MTFR1: variants seen among roughly 807,000 people sequenced by gnomAD.
MTFR1 encodes the protein mitochondrial fission regulator 1.
In MTFR1, 28 loss-of-function variants were observed where a neutral mutation model predicts 38.8. The ratio of observed to expected loss-of-function variants is 0.72; its 90% CI spans 0.53 to 0.99. MTFR1 has a LOEUF of 0.99. Ranked by LOEUF, MTFR1 falls within the 50% of genes least tolerant of loss-of-function variation. The probability of loss-of-function intolerance (pLI) is 0.00; values close to 1 mark genes in which losing one functional copy is unlikely to be tolerated. For missense variants in MTFR1, 358 were observed against 395.5 expected (o/e 0.91, Z 0.81); for synonymous variants, 145 against 137.0 (o/e 1.06, Z -0.41).
chr8:65,754,265 G>A (rs1207480945), intron 3 of MTFR1, among the ~76,000 whole-genome samples: 1 of 151,840 alleles, frequency 6.6e-6, no homozygotes, highest in African/African-American at 2.4e-5. Flanking sequence ...CAAGATTGAG[G>A]GTGCGTCTGC....
chr8:65,729,364 CTTTTTTTTT>C (rs10540107), intron 3 of MTFR1, among the ~76,000 whole-genome samples: 1 of 80,080 alleles, frequency 1.2e-5, no homozygotes, highest in Admixed American at 1.5e-4. Flanking sequence ...TTGGTGGTAG[CTTTTTTTTT>C]TTTTTTTTTT....
chr8:65,697,809 C>T (rs555758678), intron 4 of MTFR1, among the ~76,000 whole-genome samples: 6 of 152,192 alleles, frequency 3.9e-5, no homozygotes, highest in African/African-American at 1.4e-4. Flanking sequence ...CTTTTTATGC[C>T]ATATGTGTAT....
chr8:65,708,128 C>A, intron 7 of MTFR1, 117 bp downstream of exon 7: 1 of 1,595,902 alleles, frequency 6.3e-7, no homozygotes, highest in African/African-American at 1.3e-5. Flanking sequence ...GGAGGTGATA[C>A]AGGATTTGGT....
At chr8:65,776,068 T>C (rs549165313), downstream of MTFR1, among the ~76,000 whole-genome samples, 1 of 152,340 alleles carries the variant, frequency 6.6e-6, no homozygotes, top group South Asian at 2.1e-4. Context: ...AAATCAATGT[T>C]ATTGATTTAG....
At chr8:65,691,330 C>T (rs904436350) in intron 3 of MTFR1, among the ~76,000 whole-genome samples, 1 of 152,092 alleles carries the variant, frequency 6.6e-6, no homozygotes, top group African/African-American at 2.4e-5. Flanking sequence ...CTCTGTTGCC[C>T]GGGCTGGAGT....
chr8:65,661,983 A>G (rs1034067055), intron 1 of MTFR1, among the ~76,000 whole-genome samples: 19 of 148,372 alleles, frequency 1.3e-4, no homozygotes, highest in Non-Finnish European at 1.6e-4. Context: ...AAACAAACAA[A>G]AAGAGCAAAA....
chr8:65,700,850 G>A (rs1218740945), intron 4 of MTFR1, among the ~76,000 whole-genome samples: 1 of 152,176 alleles, frequency 6.6e-6, no homozygotes, highest in African/African-American at 2.4e-5. Flanking sequence ...CCCTAAAACA[G>A]TTCTGCTAAA....
chr8:65,761,769 G>A (rs1381679340), intron 3 of MTFR1, among the ~76,000 whole-genome samples: 2 of 152,170 alleles, frequency 1.3e-5, no homozygotes, highest in African/African-American at 2.4e-5. Context: ...GATAGCAGAC[G>A]AATGTAAAAG....
the MTFR1 span, among the ~76,000 whole-genome samples, chr8:65,777,235 A>G: frequency 6.6e-6 from 1 of 151,848 alleles, no homozygotes; most frequent in East Asian, 1.9e-4. Context: ...ATGCACCACC[A>G]CGCCTGGCTA....
Position 65,707,268 on chromosome 8 carries a change from T to C in MTFR1, c.764+12T>C. 6.2e-7 allele frequency: 1 copy of C among 1,602,776 alleles called. No individual in the cohort carries two copies. Among genetic ancestry groups the C allele is most frequent in the Admixed American group, 1.7e-5 (1 of 58,478 alleles). On this transcript the variant is annotated intron_variant, in intron 6 of 7. Transcript: ENST00000262146. ...CGGTCAGTGAAGAGGTGAGGATACA[T>C]TCACCTTCTTTCTTCCCCATTTGTT...
In MTFR1 at chr8:65,675,947, A is replaced by C. The variant is rs1048474929; in HGVS notation, c.66+5929A>C. On this transcript the variant is annotated intron_variant, in intron 2 of 7. Coordinates refer to ENST00000262146, the MANE Select transcript of MTFR1 (RefSeq NM_014637.4). ...ATAGTGTGAAGCTAATGTGATTCTG[A>C]TTAATTTCAGTATTTTATATTGGAA... 2.0e-5 allele frequency among the ~76,000 whole-genome samples: 3 copies of C among 152,330 alleles called. No individual in the cohort carries two copies. In the East Asian group the frequency reaches 5.8e-4, roughly 29 times the overall value.
At chr8:65,692,983 C>G (rs1397009746) in intron 3 of MTFR1, among the ~76,000 whole-genome samples, 2 of 151,026 alleles carry the variant, frequency 1.3e-5, no homozygotes, top group Non-Finnish European at 2.9e-5. Flanking sequence ...GCAACCTCCA[C>G]TTCCCGGTTT....
chr8:65,760,758 A>G (rs913576920), intron 3 of MTFR1, among the ~76,000 whole-genome samples: 29 of 152,328 alleles, frequency 1.9e-4, no homozygotes, highest in African/African-American at 6.5e-4. Flanking sequence ...CTTACTTTGG[A>G]AAAGCCTAGA....
intron 4 of MTFR1, among the ~76,000 whole-genome samples, chr8:65,694,049 T>G (rs199528048): frequency 1.3e-5 from 2 of 150,766 alleles, no homozygotes; most frequent in East Asian, 3.9e-4. Flanking sequence ...ATCACAGGCA[T>G]GCACCACCAA....
chr8:65,706,958 T>C (rs549807999), intron 5 of MTFR1, 52 bp from the exon 6 acceptor site: 4 of 1,517,388 alleles, frequency 2.6e-6, no homozygotes, highest in Non-Finnish European at 3.5e-6. Flanking sequence ...AAACTGATAT[T>C]TTCTTTGCTT....
chr8:65,736,577 C>T (rs968158524), intron 3 of MTFR1, among the ~76,000 whole-genome samples: 2 of 151,994 alleles, frequency 1.3e-5, no homozygotes, highest in Admixed American at 1.3e-4. Flanking sequence ...ATTAGCAAGA[C>T]CTTGTCCCTA....
intron 3 of MTFR1, chr8:65,724,118 A>G (rs1806508307): frequency 1.2e-5 from 7 of 575,372 alleles, no homozygotes; most frequent in South Asian, 6.5e-5. Context: ...GATTAGATGT[A>G]TATCTATTGT....
chr8:65,772,034 A>G (rs1809110628), downstream of MTFR1, among the ~76,000 whole-genome samples: 1 of 152,176 alleles, frequency 6.6e-6, no homozygotes, highest in Non-Finnish European at 1.5e-5. Flanking sequence ...CGAGGCAGAA[A>G]AGAGATGAAT....
At chr8:65,663,468 A>T (rs1237393671) in intron 1 of MTFR1, among the ~76,000 whole-genome samples, 2 of 149,108 alleles carry the variant, frequency 1.3e-5, no homozygotes, top group African/African-American at 2.5e-5. Flanking sequence ...CCTTCCCTCC[A>T]CTATTGTCCT....
Sources: allele counts gnomAD v4.1 joint callset (sites outside exome capture counted in the v4.1 genomes callset), GRCh38; gene constraint gnomAD v4.1.1; transcripts MANE v1.5; gene names NCBI Gene and HGNC (gene_info 2026-07-23, HGNC 2026-07-21).